RMDN1: variants seen among roughly 807,000 people sequenced by gnomAD.
RMDN1 encodes regulator of microtubule dynamics 1.
A neutral mutation model predicts 48.9 loss-of-function variants in RMDN1; 48 were observed. The ratio of observed to expected loss-of-function variants is 0.98; its 90% CI spans 0.78 to 1.25. The LOEUF (loss-of-function observed/expected upper bound fraction) is 1.25, where lower values mean the gene tolerates loss of function less well. Ranked by LOEUF, RMDN1 falls within the 50% of genes most tolerant of loss-of-function variation. The pLI is 0.00. For synonymous variants in RMDN1, 148 were observed against 132.6 expected, an observed-to-expected ratio of 1.12 and a Z score of -0.80; for missense variants, 418 against 373.4, an observed-to-expected ratio of 1.12 and a Z score of -0.98.
intron 1 of RMDN1, among the ~76,000 whole-genome samples, chr8:86,507,320 T>C (rs1417551798): frequency 2.6e-5 from 4 of 152,142 alleles, no homozygotes; most frequent in Non-Finnish European, 5.9e-5. Flanking sequence ...TCGCCGCTCA[T>C]CTAAAAATCA....
rs554255364 is a variant in RMDN1, at chr8:86,508,651, A to G, written c.-31T>C. On this transcript the variant is annotated 5_prime_UTR_variant, in exon 1 of 10. Coordinates refer to ENST00000406452, the MANE Select transcript of RMDN1 (RefSeq NM_016033.3). ...GCAACTTGCGGGCTGACCCTGCACT[A>G]CTTCAGGCAGCTACGGAGGCGGGCG... 5 of 1,570,566 alleles carry G rather than the reference A, an allele frequency of 3.2e-6. No homozygotes were observed. In the African/African-American group the frequency reaches 6.8e-5, roughly 21 times the overall value.
At chr8:86,476,765 A>T (rs1336431666) in intron 8 of RMDN1, among the ~76,000 whole-genome samples, 1 of 152,170 alleles carries the variant, frequency 6.6e-6, no homozygotes, top group Non-Finnish European at 1.5e-5. Context: ...GTGCAATCAC[A>T]GCTCATTGTA....
Position 86,473,015 on chromosome 8 carries a change from TC to T in RMDN1, c.*1292del. On this transcript the variant is annotated 3_prime_UTR_variant, in exon 10 of 10. Coordinates refer to ENST00000406452, the MANE Select transcript of RMDN1 (RefSeq NM_016033.3). ...TATCTTATTGTGTGTATGCAGGTAT[TC>T]CAAAATTTGGAAAAACATCCCAAAT... 1.6e-6 allele frequency: 1 copy of T among 610,492 alleles called. No individual in the cohort carries two copies. The highest frequency in any genetic ancestry group is 2.0e-6 in the Non-Finnish European group (1 of 488,046). The allele number at this position is 610,492 out of a possible 1,614,324, so 37.8% of individuals were successfully genotyped here.
intron 2 of RMDN1, among the ~76,000 whole-genome samples, chr8:86,503,032 C>A (rs1314929148): frequency 1.3e-5 from 2 of 152,090 alleles, no homozygotes; most frequent in Non-Finnish European, 2.9e-5. Context: ...TAGACCACAG[C>A]AATGTTAGCT....
downstream of RMDN1, chr8:86,468,516 A>T: frequency 2.4e-6 from 1 of 412,684 alleles, no homozygotes; most frequent in Admixed American, 3.0e-5. Context: ...ACCATAAAAG[A>T]GTTAAGTATT....
intron 4 of RMDN1, 46 bp from the exon 5 acceptor site, chr8:86,485,007 C>A: frequency 9.4e-7 from 1 of 1,063,396 alleles, no homozygotes; most frequent in Non-Finnish European, 1.4e-6. Context: ...CTTAATATTC[C>A]ATTCAATACA....
Position 86,487,239 on chromosome 8 carries a change from C to G in RMDN1, c.336-596G>C, listed in dbSNP as rs559651320. Among the ~76,000 whole-genome samples the G allele has an allele frequency of 5.9e-5, 9 of 152,302 alleles. No homozygotes were observed. In the South Asian group the frequency reaches 1.9e-3, roughly 32 times the overall value. ...GAGCATTGGATTCTTTGAAGAACTG[C>G]CATTTCCATATAATGACATAAGAAA... On this transcript the variant is annotated intron_variant, in intron 3 of 9. Transcript: ENST00000406452.
downstream of RMDN1, chr8:86,472,199 C>T: frequency 1.7e-6 from 1 of 571,592 alleles, no homozygotes; most frequent in South Asian, 2.3e-5. Context: ...CACACAAACA[C>T]ACATGTATAA....
At chr8:86,501,446 G>T (rs2131191249) in intron 2 of RMDN1, among the ~76,000 whole-genome samples, 1 of 152,272 alleles carries the variant, frequency 6.6e-6, no homozygotes, top group African/African-American at 2.4e-5. Flanking sequence ...GCTGAGGCAG[G>T]TGGATTGCTT....
intron 2 of RMDN1, among the ~76,000 whole-genome samples, chr8:86,501,920 T>A (rs764009041): frequency 0.015 from 2,125 of 137,732 alleles, 24 homozygotes; most frequent in Non-Finnish European, 0.024. Flanking sequence ...TAAATACATT[T>A]AAAAAAAAAA....
At chr8:86,504,452 A>C (rs1254544038) in intron 2 of RMDN1, 1 of 1,560,652 alleles carries the variant, frequency 6.4e-7, no homozygotes, top group African/African-American at 1.4e-5. Flanking sequence ...GTTGTGTTCT[A>C]TTACTCAACA....
rs1479529540 is a variant in RMDN1 at position 86,472,396 on chromosome 8, C to T, written c.*1912G>A. 1 of 702,254 alleles carries T rather than the reference C, an allele frequency of 1.4e-6. No individual in the cohort carries two copies. Among genetic ancestry groups the T allele is most frequent in the Non-Finnish European group, 2.6e-6 (1 of 384,866 alleles). The allele number at this position is 702,254 out of a possible 1,614,324, so 43.5% of individuals were successfully genotyped here. On this transcript the variant is annotated 3_prime_UTR_variant, in exon 10 of 10. Transcript: ENST00000406452. Reference sequence around the variant, plus strand: ...TTCGGTCTCCCTAAAGGAAAAAACCCATTTTAAAAAGCCATCCAGCAGAAT... The same window carrying T: ...TTCGGTCTCCCTAAAGGAAAAAACCTATTTTAAAAAGCCATCCAGCAGAAT...
chr8:86,477,302 G>C lies in RMDN1; in HGVS notation c.752C>G (p.Ala251Gly), dbSNP rs532044107. Reference protein sequence around the residue: ...YEKALGYFHRAEQVDPNFYSK... With the variant: ...YEKALGYFHRGEQVDPNFYSK... ...AATCAAAAATACCTTACCTTGTTCTGCCCTGTGAAAGTAGCCTAAGGCCTG... is the reference window on the plus strand; with the variant it reads ...AATCAAAAATACCTTACCTTGTTCTCCCCTGTGAAAGTAGCCTAAGGCCTG... The change falls in exon 8 of 10, where the codon GCA becomes GGA. Residue 251 changes from alanine to glycine, a missense_variant. Ala to Gly is a moderately conservative substitution (Grantham distance 60). Transcript: ENST00000406452. The C allele has an allele frequency of 9.4e-6, 15 of 1,601,608 alleles. 2 individuals carry two copies. The South Asian group carries it at 1.7e-4, about 18-fold the overall frequency.
rs1327983111 is a variant in RMDN1 at position 86,474,166 on chromosome 8, C to A, written c.*142G>T. 1.4e-6 allele frequency: 2 copies of A among 1,414,072 alleles called. No homozygotes were observed. The highest frequency in any genetic ancestry group is 1.7e-5 in the South Asian group (1 of 59,826). 87.6% of individuals were successfully genotyped at this position (1,414,072 alleles called of 1,614,324 possible). A position where few individuals can be genotyped will look rare whatever the true frequency, so the allele number is the denominator to read the frequency against. On this transcript the variant is annotated 3_prime_UTR_variant, in exon 10 of 10. Coordinates refer to ENST00000406452, the MANE Select transcript of RMDN1 (RefSeq NM_016033.3). ...TTTTACCCTATTATTTGTGAAGAAG[C>A]CTAGAATATTTTATATTTACACGGT... is the stretch of plus-strand genomic sequence containing the variant.
At chr8:86,503,981 C>G in intron 2 of RMDN1, 2 of 772,282 alleles carry the variant, frequency 2.6e-6, no homozygotes, top group South Asian at 2.7e-5. Context: ...GGACTGTGCA[C>G]AGGTTTTATG....
intron 5 of RMDN1, chr8:86,482,299 G>A (rs547988590): frequency 2.6e-5 from 8 of 305,476 alleles, no homozygotes; most frequent in Non-Finnish European, 5.0e-5. Flanking sequence ...CTACTTGGGA[G>A]GCTGAGGCAG....
upstream of RMDN1, among the ~76,000 whole-genome samples, chr8:86,511,657 A>T (rs1820049702): frequency 6.6e-6 from 1 of 151,982 alleles, no homozygotes; most frequent in Non-Finnish European, 1.5e-5. Context: ...AAAAAGTACA[A>T]AAATTAGCCA....
chr8:86,504,722 T>G (rs903612373), intron 2 of RMDN1: 1 of 945,456 alleles, frequency 1.1e-6, no homozygotes, highest in Non-Finnish European at 1.8e-6. Context: ...TTGGACCAGG[T>G]CCCATTTCCT....
rs770673704 is a variant in RMDN1 at position 86,474,367 on chromosome 8, GA to G, written c.895-10del. The G allele has an allele frequency of 4.4e-6, 7 of 1,590,770 alleles. No individual in the cohort carries two copies. The highest frequency in any genetic ancestry group is 6.0e-6 in the Non-Finnish European group (7 of 1,159,282). ...GCAGCTTCTGTCTGTATCTAAAATG[GA>G]AAAATACATGTTATAAGTAAACAGG... is the stretch of plus-strand genomic sequence containing the variant. On this transcript the variant is annotated splice_polypyrimidine_tract_variant and intron_variant, in intron 9 of 9. Transcript: ENST00000406452.
Sources: gnomAD v4.1 joint callset for allele counts (sites outside exome capture counted in the v4.1 genomes callset) on GRCh38, gnomAD v4.1.1 for gene constraint, MANE v1.5 for transcripts, NCBI Gene and HGNC (gene_info 2026-07-23, HGNC 2026-07-21) for gene names.